DCAF6: variants seen among roughly 807,000 people sequenced by gnomAD.
The protein encoded by DCAF6 is DDB1 and CUL4 associated factor 6.
DCAF6 carries 54 observed loss-of-function variants against 125.1 expected under a neutral mutation model. The observed-to-expected ratio is 0.43, with a 90% confidence interval of 0.35 to 0.54. DCAF6 has a LOEUF of 0.54. DCAF6 is among the 20% of genes least tolerant of loss of function. The probability of loss-of-function intolerance (pLI) is 0.01; values close to 1 mark genes in which losing one functional copy is unlikely to be tolerated. For synonymous variants in DCAF6, 371 were observed against 390.4 expected, an observed-to-expected ratio of 0.95 and a Z score of 0.58; for missense variants, 934 against 1,161.7, an observed-to-expected ratio of 0.80 and a Z score of 2.85.
the DCAF6 span, among the ~76,000 whole-genome samples, chr1:167,885,276 T>G: frequency 7.2e-5 from 11 of 152,196 alleles, no homozygotes; most frequent in Non-Finnish European, 1.6e-4. Flanking sequence ...CTTCAATATA[T>G]TGATTTCTTT....
intron 13 of DCAF6, among the ~76,000 whole-genome samples, chr1:168,042,165 T>C (rs1026983601): frequency 6.6e-6 from 1 of 152,070 alleles, no homozygotes; most frequent in Non-Finnish European, 1.5e-5. Flanking sequence ...TTGTATTGTT[T>C]ATTGAGTTAC....
upstream of DCAF6, chr1:167,935,706 G>A (rs375999580): frequency 6.5e-7 from 1 of 1,534,258 alleles, no homozygotes; most frequent in Non-Finnish European, 8.8e-7. Context: ...GGAAGGTCTC[G>A]ATAAGGAGCC....
In DCAF6 at chr1:167,973,470, T is replaced by G. The variant is rs77869144; in HGVS notation, c.253-1360T>G. On this transcript the variant is annotated intron_variant, in intron 3 of 21. Transcript: ENST00000367840. The stretch of plus-strand genomic sequence containing the variant: ...TTTTATATTAATTGATGACTTCTGT[T>G]TGAATCGGTTGTTGTAATGTCACAA... Among the ~76,000 whole-genome samples the G allele has an allele frequency of 2.3e-4, 35 of 152,332 alleles. No homozygotes were observed. In the East Asian group the frequency reaches 6.2e-3, roughly 27 times the overall value.
intron 4 of DCAF6, among the ~76,000 whole-genome samples, chr1:167,985,853 A>G (rs766730589): frequency 2.0e-5 from 3 of 152,242 alleles, no homozygotes; most frequent in Non-Finnish European, 4.4e-5. Context: ...ATCTAGAACA[A>G]GAAACAGCCC....
At chr1:167,886,230 G>GC in the DCAF6 span, among the ~76,000 whole-genome samples, 1 of 152,164 alleles carries the variant, frequency 6.6e-6, no homozygotes. Flanking sequence ...AAAAGAGCCT[G>GC]CATTGTCAAG....
intron 12 of DCAF6, among the ~76,000 whole-genome samples, chr1:168,028,521 T>C (rs1686639186): frequency 1.3e-5 from 2 of 152,178 alleles, no homozygotes; most frequent in Non-Finnish European, 2.9e-5. Flanking sequence ...CTGTTATAGA[T>C]TTAAAGAAAT....
At chr1:167,945,072 T>G (rs1557874562) in intron 1 of DCAF6, among the ~76,000 whole-genome samples, 1 of 152,240 alleles carries the variant, frequency 6.6e-6, no homozygotes, top group East Asian at 1.9e-4. Context: ...GCTGTTCCAT[T>G]GACCTGTGTG....
At chr1:168,057,761 T>C (rs753561908) in intron 17 of DCAF6, among the ~76,000 whole-genome samples, 2 of 152,206 alleles carry the variant, frequency 1.3e-5, no homozygotes, top group African/African-American at 2.4e-5. Context: ...TAAGGACCCC[T>C]AATCTAACCT....
At chr1:167,922,329 C>T in the DCAF6 span, among the ~76,000 whole-genome samples, 1 of 151,934 alleles carries the variant, frequency 6.6e-6, no homozygotes, top group Non-Finnish European at 1.5e-5. Flanking sequence ...AGTAATGAAC[C>T]AGTTCAAATA....
rs990036641 is a variant in DCAF6 at position 167,967,725 on chromosome 1, T to G, written c.252+1004T>G. ...TAAATTTCCTGTATCTTTTTTTTTT[T>G]TTTTTTTTTTTTTTTGTGGCAAGGT... is the stretch of plus-strand genomic sequence containing the variant. On this transcript the variant is annotated intron_variant, in intron 3 of 21. Coordinates refer to ENST00000367840, the MANE Select transcript of DCAF6 (RefSeq NM_001198956.2). 3.1e-3 allele frequency among the ~76,000 whole-genome samples: 434 copies of G among 141,454 alleles called. 3 individuals carry two copies. The highest frequency in any genetic ancestry group is 0.011 in the African/African-American group (420 of 37,420). 92.8% of individuals were successfully genotyped at this position (141,454 alleles called of 152,430 possible).
the DCAF6 span, among the ~76,000 whole-genome samples, chr1:167,864,746 C>T: frequency 1.3e-4 from 19 of 151,984 alleles, no homozygotes; most frequent in African/African-American, 3.1e-4. Flanking sequence ...TCTCCGTAAC[C>T]CTGTAACACT....
the DCAF6 span, chr1:167,894,088 TG>T: frequency 2.9e-6 from 2 of 684,068 alleles, no homozygotes; most frequent in Non-Finnish European, 5.4e-6. Flanking sequence ...ACCTAGGGGC[TG>T]AAAGGGCCAG....
At chr1:167,899,982 T>C in the DCAF6 span, among the ~76,000 whole-genome samples, 3 of 152,230 alleles carry the variant, frequency 2.0e-5, no homozygotes, top group African/African-American at 7.2e-5. Flanking sequence ...ATTTGCATTT[T>C]AGCAGAGATT....
Position 167,936,866 on chromosome 1 carries a change from C to T in DCAF6, c.-46C>T, listed in dbSNP as rs768454233. 3 of 1,486,354 alleles carry T rather than the reference C, an allele frequency of 2.0e-6. No homozygotes were observed. The highest frequency in any genetic ancestry group is 2.4e-5 in the South Asian group (2 of 82,940). 92.1% of individuals were successfully genotyped at this position (1,486,354 alleles called of 1,614,324 possible). ...ACGGGTGTCCCCTCCCCCTCCTCCC[C>T]TCCCCCACGCGGTGGTCTCCCCTCC... On this transcript the variant is annotated 5_prime_UTR_variant, in exon 1 of 22. Transcript: ENST00000367840.
chr1:167,920,569 T>C, the DCAF6 span: 10 of 1,613,900 alleles, frequency 6.2e-6, no homozygotes, highest in Non-Finnish European at 8.5e-6. Context: ...AAACAGCAGA[T>C]TGAGCTGTGC....
intron 17 of DCAF6, among the ~76,000 whole-genome samples, chr1:168,057,969 C>G (rs1418192203): frequency 6.6e-6 from 1 of 152,178 alleles, no homozygotes; most frequent in East Asian, 1.9e-4. Context: ...CAGTGGTAAC[C>G]AGTGTCCTGA....
the DCAF6 span, among the ~76,000 whole-genome samples, chr1:167,905,906 ATGT>A: frequency 6.6e-6 from 1 of 152,238 alleles, no homozygotes; most frequent in Non-Finnish European, 1.5e-5. Context: ...TCATGCCTAA[ATGT>A]TGTAAAAATC....
At chr1:167,926,658 G>T in the DCAF6 span, among the ~76,000 whole-genome samples, 1 of 152,212 alleles carries the variant, frequency 6.6e-6, no homozygotes, top group Non-Finnish European at 1.5e-5. Flanking sequence ...CGTCTAGTGG[G>T]TAGAGGCCTG....
chr1:168,002,449 C>T (rs1406236625), intron 7 of DCAF6, 33 bp from the exon 8 acceptor site: 2 of 1,586,268 alleles, frequency 1.3e-6, no homozygotes, highest in African/African-American at 1.3e-5. Flanking sequence ...GAGTTTTAGA[C>T]TTACATAGAA....
Sources: gnomAD v4.1 joint callset for allele counts (sites outside exome capture counted in the v4.1 genomes callset) on GRCh38, gnomAD v4.1.1 for gene constraint, MANE v1.5 for transcripts, NCBI Gene and HGNC (gene_info 2026-07-23, HGNC 2026-07-21) for gene names.